The following TECPR2 variants were observed in gnomAD, a reference collection of about 807,000 sequenced individuals.
TECPR2 encodes tectonin beta-propeller repeat containing 2, also known as tectonin beta-propeller repeat-containing protein 2.
A neutral mutation model predicts 138.1 loss-of-function variants in TECPR2; 65 were observed. The ratio of observed to expected loss-of-function variants is 0.47; its 90% CI spans 0.39 to 0.58. The LOEUF is 0.58. TECPR2 is among the 20% of genes least tolerant of loss of function. TECPR2 has a pLI of 0.00. For synonymous variants in TECPR2, 746 were observed against 749.8 expected (o/e 0.99, Z 0.08); for missense variants, 1,553 against 1,824.5 (o/e 0.85, Z 2.71).
chr14:102,412,394 A>G (rs1390524781), intron 4 of TECPR2, among the ~76,000 whole-genome samples: 1 of 152,140 alleles, frequency 6.6e-6, no homozygotes, highest in African/African-American at 2.4e-5. Context: ...CAGTCTTCCA[A>G]AGTTCTTGGA....
rs757408216 is a variant in TECPR2 at position 102,498,860 on chromosome 14, C to CCACAACA, written c.*614_*620dup. On this transcript the variant is annotated 3_prime_UTR_variant, in exon 20 of 20. Transcript: ENST00000359520. Reference sequence around the variant, plus strand: ...AGGAGAGAACCCACGCACATGCACACCACAACACACAACACACCTCACCTC... The same window carrying CCACAACA: ...AGGAGAGAACCCACGCACATGCACACCACAACACACAACACACAACACACCTCACCTC... 10 of 653,218 alleles carry CCACAACA rather than the reference C, an allele frequency of 1.5e-5. No homozygotes were observed. Among genetic ancestry groups the CCACAACA allele is most frequent in the South Asian group, 1.4e-4 (9 of 66,146 alleles). 40.5% of individuals were successfully genotyped at this position (653,218 alleles called of 1,614,324 possible).
At chr14:102,416,317 C>T (rs1889022966) in intron 5 of TECPR2, among the ~76,000 whole-genome samples, 2 of 152,108 alleles carry the variant, frequency 1.3e-5, no homozygotes, top group African/African-American at 4.8e-5. Context: ...GACAGGGTTT[C>T]ACCATGTTGG....
chr14:102,380,702 G>A (rs1170880492), intron 2 of TECPR2, among the ~76,000 whole-genome samples: 9 of 152,164 alleles, frequency 5.9e-5, no homozygotes, highest in South Asian at 2.1e-4. Context: ...GTTTTGAGAC[G>A]GAGTCTCGCT....
At chr14:102,425,423 G>A (rs1889291063) in intron 6 of TECPR2, 132 bp downstream of exon 6, 2 of 964,502 alleles carry the variant, frequency 2.1e-6, no homozygotes, top group African/African-American at 1.7e-5. Flanking sequence ...TTTCCTTTGG[G>A]CCAGTCAAGG....
At chr14:102,415,000 C>A (rs902304251) in intron 5 of TECPR2, among the ~76,000 whole-genome samples, 1 of 152,106 alleles carries the variant, frequency 6.6e-6, no homozygotes, top group African/African-American at 2.4e-5. Context: ...CTTCTTGTCG[C>A]AGAGCTGTAG....
chr14:102,430,453 C>T (rs1889439058), intron 7 of TECPR2, among the ~76,000 whole-genome samples: 2 of 152,194 alleles, frequency 1.3e-5, no homozygotes, highest in Non-Finnish European at 2.9e-5. Context: ...CTGCAGTCTG[C>T]CCCTAACACA....
chr14:102,386,435 A>G (rs1043485492), intron 2 of TECPR2, among the ~76,000 whole-genome samples: 5 of 152,298 alleles, frequency 3.3e-5, no homozygotes, highest in African/African-American at 1.2e-4. Context: ...GCGCCACTGC[A>G]CTACAGCCTG....
At chr14:102,439,710 G>T (rs1332654432) in intron 10 of TECPR2, among the ~76,000 whole-genome samples, 1 of 152,240 alleles carries the variant, frequency 6.6e-6, no homozygotes, top group East Asian at 1.9e-4. Context: ...TTGGTGGGCA[G>T]CAGAGCCCTT....
intron 1 of TECPR2, among the ~76,000 whole-genome samples, chr14:102,366,280 G>A (rs893319894): frequency 6.6e-6 from 1 of 152,136 alleles, no homozygotes; most frequent in Non-Finnish European, 1.5e-5. Flanking sequence ...GGATGCCATA[G>A]GGTGGTGTTT....
intron 2 of TECPR2, among the ~76,000 whole-genome samples, chr14:102,398,028 G>A (rs752084394): frequency 4.1e-5 from 6 of 146,012 alleles, no homozygotes; most frequent in East Asian, 2.0e-4. Flanking sequence ...AGCCAAGATC[G>A]TGCCACTGCA....
At chr14:102,433,450 G>A (rs1889566332) in intron 8 of TECPR2, among the ~76,000 whole-genome samples, 1 of 151,626 alleles carries the variant, frequency 6.6e-6, no homozygotes, top group Non-Finnish European at 1.5e-5. Context: ...TACGGCCAGC[G>A]GTTCCATCCA....
chr14:102,404,253 TAATTC>T (rs1326543361), intron 2 of TECPR2, among the ~76,000 whole-genome samples: 1 of 152,072 alleles, frequency 6.6e-6, no homozygotes, highest in African/African-American at 2.4e-5. Context: ...ATTTATAAGT[TAATTC>T]AATACAATTT....
At chr14:102,382,368 G>C (rs779492335) in intron 2 of TECPR2, among the ~76,000 whole-genome samples, 2 of 152,048 alleles carry the variant, frequency 1.3e-5, no homozygotes, top group Admixed American at 1.3e-4. Context: ...AAATAACCAG[G>C]GGTAAAAAAG....
At chr14:102,452,364 C>T (rs758621137) in intron 15 of TECPR2, 30 bp from the exon 16 acceptor site, 55 of 1,590,926 alleles carry the variant, frequency 3.5e-5, no homozygotes, top group Non-Finnish European at 4.5e-5. Flanking sequence ...CAGACAACAC[C>T]TCGATGACAA....
chr14:102,403,941 A>G (rs1555449143), intron 2 of TECPR2, among the ~76,000 whole-genome samples: 1 of 152,198 alleles, frequency 6.6e-6, no homozygotes, highest in Non-Finnish European at 1.5e-5. Flanking sequence ...TCTGTCACCT[A>G]GGCTGGAGTG....
At chr14:102,468,430 G>T (rs530043252) in intron 17 of TECPR2, among the ~76,000 whole-genome samples, 47 of 152,260 alleles carry the variant, frequency 3.1e-4, no homozygotes, top group Non-Finnish European at 6.6e-4. Context: ...CTTGTGATCC[G>T]CCTACCTGGG....
At chr14:102,400,118 T>C (rs919999984) in intron 2 of TECPR2, among the ~76,000 whole-genome samples, 2 of 151,610 alleles carry the variant, frequency 1.3e-5, no homozygotes, top group African/African-American at 4.8e-5. Context: ...TGATATGGGC[T>C]CACTGCAACA....
chr14:102,457,899 G>A lies in TECPR2; in HGVS notation c.3640+5272G>A, dbSNP rs533128238. On this transcript the variant is annotated intron_variant, in intron 16 of 19. Transcript: ENST00000359520. ...TTTTTTTTTTTTTTTTTGAGATAGTGTCTCACCATGTTGCCCAGGCTGGAG... is the reference window on the plus strand; with the variant it reads ...TTTTTTTTTTTTTTTTTGAGATAGTATCTCACCATGTTGCCCAGGCTGGAG... Among the ~76,000 whole-genome samples the A allele has an allele frequency of 2.3e-3, 204 of 88,582 alleles. 1 individual carries two copies. Among genetic ancestry groups the A allele is most frequent in the African/African-American group, 0.011 (196 of 18,156 alleles). 58.1% of individuals were successfully genotyped at this position (88,582 alleles called of 152,430 possible).
intron 5 of TECPR2, among the ~76,000 whole-genome samples, chr14:102,421,003 C>A (rs1486795766): frequency 6.6e-6 from 1 of 152,158 alleles, no homozygotes; most frequent in Non-Finnish European, 1.5e-5. Context: ...AGGCTGAGGA[C>A]CTCATCTTAT....
Sources: gnomAD v4.1 joint callset for allele counts (sites outside exome capture counted in the v4.1 genomes callset) on GRCh38, gnomAD v4.1.1 for gene constraint, MANE v1.5 for transcripts, NCBI Gene and HGNC (gene_info 2026-07-23, HGNC 2026-07-21) for gene names.